The following TENM4 variants were observed in gnomAD, a reference collection of about 807,000 sequenced individuals.
TENM4 encodes teneurin-4.
A neutral mutation model predicts 243.3 loss-of-function variants in TENM4; 82 were observed. The ratio of observed to expected loss-of-function variants is 0.34; its 90% CI spans 0.28 to 0.40. The LOEUF is 0.40. Ranked by LOEUF, TENM4 falls within the 10% of genes least tolerant of loss-of-function variation. TENM4 has a pLI of 1.00. For synonymous variants in TENM4, 1,412 were observed against 1,456.3 expected, an observed-to-expected ratio of 0.97 and a Z score of 0.69; for missense variants, 3,138 against 3,673.3, an observed-to-expected ratio of 0.85 and a Z score of 3.77.
chr11:79,322,206 C>A (rs1299304274), intron 1 of TENM4, among the ~76,000 whole-genome samples: 2 of 152,128 alleles, frequency 1.3e-5, no homozygotes, highest in Non-Finnish European at 2.9e-5. Context: ...CTCTTCCCTT[C>A]AGCTTTTTCA....
intron 1 of TENM4, chr11:79,422,090 A>G (rs1052979419): frequency 1.3e-5 from 2 of 153,884 alleles, no homozygotes; most frequent in East Asian, 3.9e-4. Context: ...AGGGAACCAC[A>G]TCCCTGCTTC....
intron 8 of TENM4, among the ~76,000 whole-genome samples, chr11:78,890,408 T>C (rs750109285): frequency 6.6e-6 from 1 of 152,200 alleles, no homozygotes; most frequent in Non-Finnish European, 1.5e-5. Context: ...TTGGAAAGGA[T>C]CTAAAATCCT....
chr11:79,164,109 C>CAT (rs1862838982), intron 3 of TENM4, among the ~76,000 whole-genome samples: 1 of 43,316 alleles, frequency 2.3e-5, no homozygotes, highest in Non-Finnish European at 4.3e-5. Context: ...AGTATATATA[C>CAT]ACTATATATA....
chr11:79,129,060 G>C (rs1861940755), intron 4 of TENM4, among the ~76,000 whole-genome samples: 1 of 152,222 alleles, frequency 6.6e-6, no homozygotes, highest in African/African-American at 2.4e-5. Context: ...AACTGCAGAA[G>C]GGGGAAAGGG....
At chr11:79,153,774 C>T (rs1208474501) in intron 3 of TENM4, among the ~76,000 whole-genome samples, 1 of 152,144 alleles carries the variant, frequency 6.6e-6, no homozygotes, top group East Asian at 1.9e-4. Flanking sequence ...TACCATTGCT[C>T]ATGCTGTGTG....
intron 2 of TENM4, among the ~76,000 whole-genome samples, chr11:79,264,989 A>T (rs991895902): frequency 6.6e-6 from 1 of 152,206 alleles, no homozygotes; most frequent in African/African-American, 2.4e-5. Flanking sequence ...GGAGGCAGCC[A>T]GGTGTGGGGC....
intron 23 of TENM4, among the ~76,000 whole-genome samples, chr11:78,723,560 T>C (rs752335385): frequency 4.6e-5 from 7 of 152,272 alleles, no homozygotes; most frequent in South Asian, 2.1e-4. Context: ...AGCTCCTGTA[T>C]AGATCTCTTT....
At chr11:78,846,609 A>G (rs759474582) in intron 12 of TENM4, among the ~76,000 whole-genome samples, 27 of 152,236 alleles carry the variant, frequency 1.8e-4, no homozygotes, top group Non-Finnish European at 7.3e-5. Flanking sequence ...CCTGGATGAT[A>G]CAAAGAGACT....
At chr11:78,897,197 C>A (rs1235791501) in intron 7 of TENM4, among the ~76,000 whole-genome samples, 2 of 152,178 alleles carry the variant, frequency 1.3e-5, no homozygotes, top group Non-Finnish European at 2.9e-5. Flanking sequence ...CACACGTTGT[C>A]ACAACCTGTT....
intron 6 of TENM4, among the ~76,000 whole-genome samples, chr11:79,051,222 T>G (rs1438397125): frequency 6.6e-6 from 1 of 152,212 alleles, no homozygotes; most frequent in East Asian, 1.9e-4. Flanking sequence ...CTTTCTTACC[T>G]CATTTAATCC....
Position 78,658,344 on chromosome 11 carries a change from A to G in TENM4, c.8024T>C (p.Leu2675Ser), listed in dbSNP as rs1857947879. The G allele has an allele frequency of 6.2e-7, 1 of 1,613,728 alleles. No individual in the cohort carries two copies. The highest frequency in any genetic ancestry group is 1.7e-5 in the Admixed American group (1 of 59,978). Residue 2675 changes from leucine to serine, a missense_variant, in exon 34 of 34, where the codon TTG becomes TCG. Around this residue, in one of 2 missense-constraint regions of TENM4, gnomAD observed 2,467 missense variants for 3,059.1 expected, o/e 0.81. Transcript: ENST00000278550. ...CAACGTTGTCCCGTAGCGTGTGTTC[A>G]AGCACAGTGCCCCGTACTGGAGCTG... ...DIQLQYGALC[L>S]NTRYGTTLDE...
At chr11:79,228,376 A>G (rs1304929574) in intron 2 of TENM4, among the ~76,000 whole-genome samples, 1 of 152,144 alleles carries the variant, frequency 6.6e-6, no homozygotes, top group Non-Finnish European at 1.5e-5. Flanking sequence ...CGCCCACAGG[A>G]ACTGAAAGGA....
At chr11:78,794,481 C>A (rs186811848) in intron 15 of TENM4, among the ~76,000 whole-genome samples, 1 of 152,176 alleles carries the variant, frequency 6.6e-6, no homozygotes, top group African/African-American at 2.4e-5. Context: ...TTTGAAACAG[C>A]CCCCTGGCGA....
At chr11:79,136,286 A>G (rs1346394643) in intron 4 of TENM4, among the ~76,000 whole-genome samples, 1 of 152,184 alleles carries the variant, frequency 6.6e-6, no homozygotes, top group African/African-American at 2.4e-5. Context: ...GTAAGTGCTC[A>G]CCAATGGGTG....
intron 4 of TENM4, among the ~76,000 whole-genome samples, chr11:79,134,581 G>T (rs565189448): frequency 6.6e-6 from 1 of 152,072 alleles, no homozygotes; most frequent in East Asian, 1.9e-4. Flanking sequence ...GCATCACACT[G>T]CCTGATTTCA....
intron 1 of TENM4, among the ~76,000 whole-genome samples, chr11:79,373,694 G>GT (rs1857833737): frequency 6.6e-6 from 1 of 151,988 alleles, no homozygotes; most frequent in Non-Finnish European, 1.5e-5. Context: ...AAATGAAAAC[G>GT]TTTTTCTTAA....
At chr11:78,988,273 T>A (rs1236977683) in intron 6 of TENM4, among the ~76,000 whole-genome samples, 1 of 152,198 alleles carries the variant, frequency 6.6e-6, no homozygotes, top group Non-Finnish European at 1.5e-5. Context: ...GTTTGTCAAC[T>A]GTGTGAGTGA....
intron 6 of TENM4, among the ~76,000 whole-genome samples, chr11:79,052,333 T>C (rs932137038): frequency 1.3e-5 from 2 of 152,372 alleles, no homozygotes; most frequent in East Asian, 3.9e-4. Flanking sequence ...TGAGAGATGA[T>C]ATCTCATTGT....
chr11:78,670,733 G>A (rs1391809394), intron 31 of TENM4, among the ~76,000 whole-genome samples, 182 bp from the exon 32 acceptor site: 3 of 152,122 alleles, frequency 2.0e-5, no homozygotes, highest in Non-Finnish European at 4.4e-5. Flanking sequence ...ACTGCAAATA[G>A]GTTACAGATG....
Sources: allele counts gnomAD v4.1 joint callset (sites outside exome capture counted in the v4.1 genomes callset), GRCh38; gene constraint gnomAD v4.1.1; regional missense constraint gnomAD v4.1.1; transcripts MANE v1.5; gene names NCBI Gene and HGNC (gene_info 2026-07-23, HGNC 2026-07-21).